Variants in AXIN1 observed in about 807,000 individuals in gnomAD.
AXIN1 encodes axin-1.
AXIN1 carries 30 observed loss-of-function variants against 76.4 expected under a neutral mutation model. The observed-to-expected ratio is 0.39, with a 90% CI of 0.29 to 0.53. AXIN1 has a LOEUF of 0.53. AXIN1 is among the 20% of genes least tolerant of loss of function. AXIN1 has a pLI of 0.66. For missense variants in AXIN1, 1,140 were observed against 1,198.8 expected (o/e 0.95, Z 0.72); for synonymous variants, 545 against 501.4 (o/e 1.09, Z -1.16).
intron 5 of AXIN1, among the ~76,000 whole-genome samples, chr16:298,529 A>C (rs1426833066): frequency 1.3e-5 from 2 of 152,172 alleles, no homozygotes; most frequent in African/African-American, 2.4e-5. Context: ...TTTTTTTGAG[A>C]CAAGTTCTTG....
At chr16:290,911 A>G (rs2052539305) in intron 9 of AXIN1, 1 of 528,098 alleles carries the variant, frequency 1.9e-6, no homozygotes, top group African/African-American at 1.9e-5. Flanking sequence ...CCTGGCCGTG[A>G]CACCTGTGTG....
intron 2 of AXIN1, among the ~76,000 whole-genome samples, chr16:316,372 G>A (rs764498968): frequency 2.6e-5 from 4 of 152,122 alleles, no homozygotes; most frequent in Admixed American, 6.6e-5. Flanking sequence ...AATTTTAAGC[G>A]CCTCTCTCCA....
chr16:297,398 ACCCGCTGTCCCCTG>A (rs1176818309), intron 6 of AXIN1, among the ~76,000 whole-genome samples, 172 bp from the exon 7 acceptor site: 2 of 116,518 alleles, frequency 1.7e-5, no homozygotes, highest in Admixed American at 8.0e-5. Context: ...CTTGTCCCCC[ACCCGCTGTCCCCTG>A]CCCGCTGTCC....
chr16:334,470 G>C (rs1161687333), intron 2 of AXIN1, among the ~76,000 whole-genome samples: 4 of 148,100 alleles, frequency 2.7e-5, no homozygotes, highest in Non-Finnish European at 5.9e-5. Flanking sequence ...GCAGCACCCA[G>C]TACCACGGCA....
chr16:346,236 G>C lies in AXIN1; in HGVS notation c.790C>G (p.Pro264Ala), dbSNP rs759689257. Reference protein sequence around the residue: ...DEDDGRDAAPPGRLPQKLLLE... With the variant: ...DEDDGRDAAPAGRLPQKLLLE... ...AGCAGCTTCTGAGGGAGTCTTCCGG[G>C]GGGAGCAGCGTCTCTGCCATCGTCC... Residue 264 changes from proline to alanine, a missense_variant, in exon 2 of 11, where the codon CCC (proline) becomes GCC (alanine). Pro to Ala is a conservative substitution (Grantham distance 27, BLOSUM62 -1). Around this residue, in one of 3 missense-constraint regions of AXIN1, gnomAD observed 708 missense variants for 776.9 expected, o/e 0.91. Transcript: ENST00000262320. The C allele has an allele frequency of 6.2e-7, 1 of 1,614,110 alleles. No homozygotes were observed. Among genetic ancestry groups the C allele is most frequent in the Non-Finnish European group, 8.5e-7 (1 of 1,180,028 alleles).
At chr16:310,756 G>A (rs1406433643) in intron 3 of AXIN1, among the ~76,000 whole-genome samples, 2 of 152,208 alleles carry the variant, frequency 1.3e-5, no homozygotes, top group African/African-American at 2.4e-5. Context: ...GACTGCATGC[G>A]GCTGCAAAGC....
chr16:343,584 TC>T (rs1358881828), intron 2 of AXIN1, among the ~76,000 whole-genome samples: 1 of 151,904 alleles, frequency 6.6e-6, no homozygotes, highest in African/African-American at 2.4e-5. Flanking sequence ...ACACTTGTAA[TC>T]CCAGCTACTC....
chr16:341,027 G>A (rs867039286), intron 2 of AXIN1, among the ~76,000 whole-genome samples: 1 of 152,364 alleles, frequency 6.6e-6, no homozygotes. Flanking sequence ...GGACAGAGGG[G>A]TCAGCACCCG....
At position 351,955 on chromosome 16, in the gene AXIN1, C is replaced by T. The variant is rs192772724; in HGVS notation, c.-82+414G>A. Among the ~76,000 whole-genome samples, 177 of 152,274 alleles carry T rather than the reference C, an allele frequency of 1.2e-3. 2 individuals carry two copies. The highest frequency in any genetic ancestry group is 0.01 in the East Asian group (52 of 5,168). On this transcript the variant is annotated intron_variant, in intron 1 of 10. Transcript: ENST00000262320. ...AAAGACCAGTGTTTGGGCAGCAAGG[C>T]ATCAACCTGGAGGGTACGGACGCCG...
intron 7 of AXIN1, among the ~76,000 whole-genome samples, chr16:295,229 C>T (rs1445316323): frequency 4.6e-5 from 7 of 151,316 alleles, no homozygotes; most frequent in South Asian, 2.1e-4. Flanking sequence ...CCTCAGCCAC[C>T]GAGTAGCTGG....
chr16:322,273 T>C (rs1487580386), intron 2 of AXIN1, among the ~76,000 whole-genome samples: 1 of 152,108 alleles, frequency 6.6e-6, no homozygotes, highest in African/African-American at 2.4e-5. Context: ...CTGGGGAACA[T>C]GGCGCACACC....
intron 2 of AXIN1, among the ~76,000 whole-genome samples, chr16:331,716 G>C (rs1057209): frequency 0.12 from 18,343 of 152,216 alleles, 1,420 homozygotes; most frequent in South Asian, 0.24. Context: ...CTTTATCTTT[G>C]TGGTATCTCC....
chr16:304,232 A>G, intron 5 of AXIN1, 72 bp downstream of exon 5: 1 of 1,597,954 alleles, frequency 6.3e-7, no homozygotes, highest in South Asian at 1.1e-5. Flanking sequence ...CATGAAGAAC[A>G]TCAGGACATC....
intron 1 of AXIN1, among the ~76,000 whole-genome samples, chr16:351,640 G>T (rs1312670098): frequency 6.6e-6 from 1 of 152,010 alleles, no homozygotes; most frequent in Non-Finnish European, 1.5e-5. Flanking sequence ...GAGGACGGTG[G>T]TCACCCCTGT....
chr16:299,279 C>T, intron 5 of AXIN1: 1 of 977,516 alleles, frequency 1.0e-6, no homozygotes, highest in Non-Finnish European at 1.2e-6. Context: ...ATTGGACTGA[C>T]AAACTAAAAC....
intron 2 of AXIN1, among the ~76,000 whole-genome samples, chr16:338,966 G>A (rs2053860340): frequency 7.0e-6 from 1 of 142,118 alleles, no homozygotes; most frequent in African/African-American, 2.8e-5. Context: ...GTGCTGTGGG[G>A]ACAGAGTCCA....
chr16:340,192 A>AC (rs1253453465), intron 2 of AXIN1, among the ~76,000 whole-genome samples: 1 of 152,004 alleles, frequency 6.6e-6, no homozygotes, highest in Non-Finnish European at 1.5e-5. Context: ...CCTCGAAAGG[A>AC]CCCACCGGTC....
Position 324,465 on chromosome 16 carries a change from T to C in AXIN1, c.879-9782A>G, listed in dbSNP as rs1019679049. On this transcript the variant is annotated intron_variant, in intron 2 of 10. Coordinates refer to ENST00000262320, the MANE Select transcript of AXIN1 (RefSeq NM_003502.4). ...TCCGGGGAGGTTTGCAAGGATCACA[T>C]GGCCAAGGGCACCATGAGCAGCTTC... is the stretch of plus-strand genomic sequence containing the variant. Among the ~76,000 whole-genome samples, 13 of 152,234 alleles carry C rather than the reference T, an allele frequency of 8.5e-5. No individual in the cohort carries two copies. In the East Asian group the frequency reaches 1.4e-3, roughly 16 times the overall value.
intron 1 of AXIN1, among the ~76,000 whole-genome samples, chr16:347,356 C>T (rs1396269457): frequency 6.6e-6 from 1 of 152,192 alleles, no homozygotes; most frequent in African/African-American, 2.4e-5. Flanking sequence ...CATGGGAATG[C>T]CACTCCCCAC....
Sources: gnomAD v4.1 joint callset for allele counts (sites outside exome capture counted in the v4.1 genomes callset) on GRCh38, gnomAD v4.1.1 for gene constraint, gnomAD v4.1.1 regional missense constraint, MANE v1.5 for transcripts, NCBI Gene and HGNC (gene_info 2026-07-23, HGNC 2026-07-21) for gene names.